NEK11: variants seen among roughly 807,000 people sequenced by gnomAD.
NEK11 encodes serine/threonine-protein kinase Nek11.
Under a neutral mutation model 80.7 loss-of-function variants are expected in NEK11, and 72 were observed. The ratio of observed to expected loss-of-function variants is 0.89; its 90% confidence interval spans 0.74 to 1.08. The LOEUF (loss-of-function observed/expected upper bound fraction) is 1.08. Among genes scored for constraint, NEK11 ranks in the 50% least tolerant of loss-of-function variants. The probability of loss-of-function intolerance (pLI) is 0.00; values close to 1 mark genes in which losing one functional copy is unlikely to be tolerated. For synonymous variants in NEK11, 251 were observed against 260.7 expected (o/e 0.96, Z 0.36); for missense variants, 764 against 763.6 (o/e 1.00, Z -0.01).
chr3:131,214,253 A>G (rs936683384), intron 14 of NEK11, among the ~76,000 whole-genome samples: 2 of 152,280 alleles, frequency 1.3e-5, no homozygotes, highest in Admixed American at 1.3e-4. Flanking sequence ...GTAACCTGAA[A>G]TCATTCAGTT....
intron 5 of NEK11, among the ~76,000 whole-genome samples, chr3:131,119,383 C>T (rs1046893456): frequency 6.6e-5 from 10 of 152,142 alleles, no homozygotes; most frequent in Non-Finnish European, 1.5e-4. Flanking sequence ...GAGGGCTTTA[C>T]TTCCAACTAT....
intron 5 of NEK11, among the ~76,000 whole-genome samples, chr3:131,115,992 T>TTTTCTTTCTTTCTTTCTTTC (rs1553878713): frequency 1.6e-5 from 2 of 123,218 alleles, no homozygotes; most frequent in East Asian, 2.3e-4. Flanking sequence ...CTTTCTTTAT[T>TTTTCTTTCTTTCTTTCTTTC]ATACTTTAAG....
chr3:131,148,313 A>G (rs111566487), intron 7 of NEK11, among the ~76,000 whole-genome samples: 2,168 of 152,000 alleles, frequency 0.014, 49 homozygotes, highest in African/African-American at 0.05. Flanking sequence ...CGTTCATGAA[A>G]ACATTTGCTC....
chr3:131,092,359 G>A (rs987605334), intron 4 of NEK11, among the ~76,000 whole-genome samples: 1 of 152,162 alleles, frequency 6.6e-6, no homozygotes, highest in Non-Finnish European at 1.5e-5. Flanking sequence ...TATTGTGATG[G>A]TTATCAGGAG....
intron 14 of NEK11, among the ~76,000 whole-genome samples, chr3:131,171,203 CTG>C (rs1255417097): frequency 6.6e-6 from 1 of 152,224 alleles, no homozygotes; most frequent in Admixed American, 6.5e-5. Flanking sequence ...CTCTGGAGCA[CTG>C]TGTCTTCCCT....
chr3:131,271,128 G>A (rs1581192357), intron 16 of NEK11, among the ~76,000 whole-genome samples: 1 of 152,320 alleles, frequency 6.6e-6, no homozygotes, highest in East Asian at 1.9e-4. Context: ...TCCAGTTGCA[G>A]TGAGGGCCGA....
At chr3:131,249,399 T>C (rs189100240) in intron 16 of NEK11, among the ~76,000 whole-genome samples, 36 of 152,096 alleles carry the variant, frequency 2.4e-4, no homozygotes, top group Admixed American at 2.1e-3. Context: ...AATGGGAAGA[T>C]TGGTTGACAG....
At chr3:131,133,751 G>T in intron 6 of NEK11, 79 bp from the exon 7 acceptor site, 1 of 1,062,536 alleles carries the variant, frequency 9.4e-7, no homozygotes, top group Non-Finnish European at 1.4e-6. Context: ...GTCAAATTAG[G>T]CACTCATTCA....
At chr3:131,305,191 A>G (rs2096710392) in intron 17 of NEK11, among the ~76,000 whole-genome samples, 1 of 151,996 alleles carries the variant, frequency 6.6e-6, no homozygotes, top group Non-Finnish European at 1.5e-5. Flanking sequence ...CTGTCTACAC[A>G]TGCATGGCAG....
At chr3:131,095,919 A>T (rs1293732189) in intron 4 of NEK11, among the ~76,000 whole-genome samples, 2 of 152,220 alleles carry the variant, frequency 1.3e-5, no homozygotes, top group Non-Finnish European at 2.9e-5. Flanking sequence ...AACAGTAGTC[A>T]TTTAAGCAGA....
chr3:131,149,063 C>A (rs1434256450), intron 7 of NEK11, among the ~76,000 whole-genome samples: 1 of 151,656 alleles, frequency 6.6e-6, no homozygotes, highest in East Asian at 1.9e-4. Flanking sequence ...TGTGTTTAAA[C>A]CTTTATTTAT....
chr3:131,105,876 T>A (rs1016371221), intron 4 of NEK11, among the ~76,000 whole-genome samples: 1 of 152,246 alleles, frequency 6.6e-6, no homozygotes. Context: ...GGATCAATCA[T>A]TCTGCTCTAG....
intron 14 of NEK11, among the ~76,000 whole-genome samples, chr3:131,214,814 A>G (rs988463669): frequency 6.6e-6 from 1 of 152,138 alleles, no homozygotes; most frequent in Non-Finnish European, 1.5e-5. Flanking sequence ...TGTCCTATAT[A>G]TAAAAAACAG....
At chr3:131,255,128 G>GAA (rs1399129537) in intron 16 of NEK11, among the ~76,000 whole-genome samples, 428 of 146,798 alleles carry the variant, frequency 2.9e-3, no homozygotes, top group East Asian at 7.1e-3. Flanking sequence ...AAGAAAGAAA[G>GAA]AGAGAAAGAA....
At position 131,198,353 on chromosome 3, in the gene NEK11, A is replaced by G. The variant is rs1204419298; in HGVS notation, c.1399+27466A>G. On this transcript the variant is annotated intron_variant, in intron 14 of 17. Transcript: ENST00000383366. Reference sequence around the variant, plus strand: ...TGAGCAATTACTTGTTGACAGTTACATTCTATCTTTTCTTCATTGTCTGGA... The same window carrying G: ...TGAGCAATTACTTGTTGACAGTTACGTTCTATCTTTTCTTCATTGTCTGGA... 3.9e-5 allele frequency among the ~76,000 whole-genome samples: 6 copies of G among 152,344 alleles called. No individual in the cohort carries two copies. In the East Asian group the frequency reaches 1.2e-3, roughly 29 times the overall value.
At position 131,095,542 on chromosome 3, in the gene NEK11, A is replaced by T. The variant is rs543047637; in HGVS notation, c.337-14261A>T. On this transcript the variant is annotated intron_variant, in intron 4 of 17. Coordinates refer to ENST00000383366, the MANE Select transcript of NEK11 (RefSeq NM_024800.5). ...CTTTTCTGTATATACAGTATTTTTT[A>T]AAAATTAAAATTACGAGTGATAGTA... 7.9e-5 allele frequency among the ~76,000 whole-genome samples: 12 copies of T among 152,270 alleles called. No individual in the cohort carries two copies. In the East Asian group the frequency reaches 1.2e-3, roughly 15 times the overall value.
At chr3:131,097,727 C>T (rs2077662301) in intron 4 of NEK11, among the ~76,000 whole-genome samples, 1 of 150,226 alleles carries the variant, frequency 6.7e-6, no homozygotes, top group South Asian at 2.1e-4. Flanking sequence ...AATGGCCATA[C>T]TGCCCAAGGT....
chr3:131,245,151 A>G (rs963821661), intron 16 of NEK11, among the ~76,000 whole-genome samples: 6 of 152,068 alleles, frequency 3.9e-5, no homozygotes, highest in African/African-American at 1.4e-4. Flanking sequence ...CCATATGTAC[A>G]CATTATTTAG....
At chr3:131,263,785 A>G (rs1369641480) in intron 16 of NEK11, among the ~76,000 whole-genome samples, 3 of 152,130 alleles carry the variant, frequency 2.0e-5, no homozygotes, top group Non-Finnish European at 2.9e-5. Flanking sequence ...TTGAGGAATC[A>G]CCACACTGTC....
Sources: allele counts gnomAD v4.1 joint callset (sites outside exome capture counted in the v4.1 genomes callset), GRCh38; gene constraint gnomAD v4.1.1; transcripts MANE v1.5; gene names NCBI Gene and HGNC (gene_info 2026-07-23, HGNC 2026-07-21).